Variants in DRC5 observed in about 807,000 individuals in gnomAD.
DRC5 encodes dynein regulatory complex subunit 5, also known as T-complex-associated testis-expressed protein 1.
At chr6:44,284,073 G>C in the DRC5 span, among the ~76,000 whole-genome samples, 1 of 152,150 alleles carries the variant, frequency 6.6e-6, no homozygotes, top group East Asian at 1.9e-4. Context: ...GGTTATGGCT[G>C]TACCTTTTCC....
chr6:44,296,459 C>T, the DRC5 span, among the ~76,000 whole-genome samples: 265 of 152,364 alleles, frequency 1.7e-3, 1 homozygote, highest in African/African-American at 6.0e-3. Flanking sequence ...GGCATATTCC[C>T]TCCACAGGAA....
At chr6:44,282,863 C>T in the DRC5 span, among the ~76,000 whole-genome samples, 3 of 130,838 alleles carry the variant, frequency 2.3e-5, no homozygotes, top group South Asian at 2.4e-4. Context: ...AGTGCAGTGG[C>T]GTGATCTTGG....
the DRC5 span, among the ~76,000 whole-genome samples, chr6:44,294,176 T>C: frequency 1.3e-5 from 2 of 152,134 alleles, no homozygotes; most frequent in East Asian, 3.9e-4. Context: ...GAGACGGGGT[T>C]TCTCCATATT....
chr6:44,297,210 G>A, the DRC5 span, among the ~76,000 whole-genome samples: 3 of 152,216 alleles, frequency 2.0e-5, no homozygotes, highest in African/African-American at 4.8e-5. Context: ...AGTGCAGTGG[G>A]AGGTAGGGAG....
At chr6:44,285,438 G>T in the DRC5 span, among the ~76,000 whole-genome samples, 1 of 152,184 alleles carries the variant, frequency 6.6e-6, no homozygotes, top group Non-Finnish European at 1.5e-5. Flanking sequence ...AACCCAGGCT[G>T]GAGTGCAGTG....
chr6:44,281,078 G>C, the DRC5 span, among the ~76,000 whole-genome samples: 1 of 152,264 alleles, frequency 6.6e-6, no homozygotes, highest in East Asian at 1.9e-4. Flanking sequence ...TGCCTGTGTA[G>C]GTGAGCAAGG....
chr6:44,286,279 G>C, the DRC5 span: 2 of 1,612,966 alleles, frequency 1.2e-6, no homozygotes, highest in South Asian at 1.1e-5. Flanking sequence ...GCAGGTCGAG[G>C]ATCACCGCAG....
the DRC5 span, among the ~76,000 whole-genome samples, chr6:44,288,424 G>A: frequency 6.6e-6 from 1 of 152,130 alleles, no homozygotes; most frequent in Non-Finnish European, 1.5e-5. Context: ...GAAGTATCAC[G>A]GGTGGGTTTA....
At chr6:44,283,474 G>A in the DRC5 span, among the ~76,000 whole-genome samples, 390 of 152,268 alleles carry the variant, frequency 2.6e-3, 1 homozygote, top group East Asian at 0.016. Context: ...TCACCTTCCC[G>A]CTGGCTTGTC....
the DRC5 span, among the ~76,000 whole-genome samples, chr6:44,293,844 T>G: frequency 6.6e-6 from 1 of 152,242 alleles, no homozygotes; most frequent in Admixed American, 6.5e-5. Flanking sequence ...TCCCCCTAAA[T>G]GAAACAAAAT....
At chr6:44,286,920 G>A in the DRC5 span, among the ~76,000 whole-genome samples, 1 of 152,362 alleles carries the variant, frequency 6.6e-6, no homozygotes, top group East Asian at 1.9e-4. Context: ...AGACACTGGA[G>A]GTAGCACTAT....
the DRC5 span, chr6:44,286,513 C>G: frequency 3.1e-6 from 5 of 1,613,016 alleles, no homozygotes; most frequent in African/African-American, 6.7e-5. Context: ...CCGGGAGCAT[C>G]TGCTTCAGGA....
the DRC5 span, among the ~76,000 whole-genome samples, chr6:44,281,435 A>C: frequency 2.0e-4 from 31 of 152,276 alleles, no homozygotes; most frequent in South Asian, 6.2e-3. Flanking sequence ...CCCAGGCTGG[A>C]GTGCAGGGGC....
At chr6:44,289,497 GCTA>G in the DRC5 span, among the ~76,000 whole-genome samples, 1 of 152,074 alleles carries the variant, frequency 6.6e-6, no homozygotes, top group Non-Finnish European at 1.5e-5. Context: ...TTTCAATGTG[GCTA>G]CTGTTTCAGA....
At chr6:44,280,520 G>T in the DRC5 span, 10 of 668,768 alleles carry the variant, frequency 1.5e-5, no homozygotes, top group Admixed American at 1.5e-4. Flanking sequence ...TATTTGTGAC[G>T]CATGATGACA....
At chr6:44,286,291 G>T in the DRC5 span, 1 of 1,613,148 alleles carries the variant, frequency 6.2e-7, no homozygotes, top group Admixed American at 1.7e-5. Flanking sequence ...TCACCGCAGG[G>T]TCTGTGGTGC....
chr6:44,295,547 G>A, the DRC5 span, among the ~76,000 whole-genome samples: 16 of 152,176 alleles, frequency 1.1e-4, no homozygotes, highest in Non-Finnish European at 2.4e-4. Flanking sequence ...CTCTTTCCAT[G>A]CCCAAGCACA....
chr6:44,295,780 G>A, the DRC5 span, among the ~76,000 whole-genome samples: 1 of 152,136 alleles, frequency 6.6e-6, no homozygotes, highest in East Asian at 1.9e-4. Flanking sequence ...AAATCTCCAC[G>A]GTGCCCCCCA....
the DRC5 span, chr6:44,286,245 G>A: frequency 1.9e-6 from 3 of 1,612,376 alleles, no homozygotes; most frequent in Non-Finnish European, 2.5e-6. Flanking sequence ...TGGACCCTGC[G>A]CACGTAATTC....
Sources: gnomAD v4.1 joint callset for allele counts (sites outside exome capture counted in the v4.1 genomes callset) on GRCh38, gnomAD v4.1.1 for gene constraint, MANE v1.5 for transcripts, NCBI Gene and HGNC (gene_info 2026-07-23, HGNC 2026-07-21) for gene names.